GALNT18: variants seen among roughly 807,000 people sequenced by gnomAD.
GALNT18 encodes the protein polypeptide N-acetylgalactosaminyltransferase 18.
In GALNT18, 44 loss-of-function variants were observed where a neutral mutation model predicts 69.5. The ratio of observed to expected loss-of-function variants is 0.63; its 90% confidence interval spans 0.50 to 0.81. The LOEUF is 0.81. Ranked by LOEUF, GALNT18 falls within the 40% of genes least tolerant of loss-of-function variation. The pLI, the probability that GALNT18 is intolerant of heterozygous loss-of-function variation, is 0.00. For missense variants in GALNT18, 715 were observed against 810.0 expected, an observed-to-expected ratio of 0.88 and a Z score of 1.42; for synonymous variants, 364 against 318.2, an observed-to-expected ratio of 1.14 and a Z score of -1.53.
At chr11:11,568,436 G>C (rs1030547578) in intron 1 of GALNT18, among the ~76,000 whole-genome samples, 1 of 152,068 alleles carries the variant, frequency 6.6e-6, no homozygotes, top group South Asian at 2.1e-4. Flanking sequence ...TATACCCTAG[G>C]CTCCTTAAGA....
intron 1 of GALNT18, among the ~76,000 whole-genome samples, chr11:11,607,026 C>G (rs1178131132): frequency 1.3e-5 from 2 of 152,208 alleles, no homozygotes; most frequent in Non-Finnish European, 2.9e-5. Flanking sequence ...AAGGTTTACC[C>G]TTCTTTGTTG....
In GALNT18 at chr11:11,565,900, G is replaced by A. The variant is rs78491386; in HGVS notation, c.235+55459C>T. Among the ~76,000 whole-genome samples the A allele has an allele frequency of 5.8e-3, 882 of 152,294 alleles. 7 individuals are homozygous for A. The highest frequency in any genetic ancestry group is 0.021 in the African/African-American group (852 of 41,550). ...GCTTGCACTAAATCTTTAAGACAGT[G>A]TAGAGAAGTGTTTTGAGCAAAGGAA... On this transcript the variant is annotated intron_variant, in intron 1 of 10. Transcript: ENST00000227756.
intron 1 of GALNT18, among the ~76,000 whole-genome samples, chr11:11,578,263 T>A (rs1858975317): frequency 1.4e-5 from 2 of 142,968 alleles, no homozygotes; most frequent in South Asian, 4.4e-4. Flanking sequence ...GGGCTGACGC[T>A]CCTGCAGGTC....
Position 11,336,029 on chromosome 11 carries a change from T to C in GALNT18, c.1279-3198A>G, listed in dbSNP as rs533753104. 2.6e-5 allele frequency among the ~76,000 whole-genome samples: 4 copies of C among 152,280 alleles called. No homozygotes were observed. The South Asian group carries it at 8.3e-4, about 32-fold the overall frequency. On this transcript the variant is annotated intron_variant, in intron 7 of 10. Coordinates refer to ENST00000227756, the MANE Select transcript of GALNT18 (RefSeq NM_198516.3). ...TATATTAACTTAGCCACATAAAAAG[T>C]GCCCAGTATTGCAGCCACATAGTCA...
intron 1 of GALNT18, among the ~76,000 whole-genome samples, chr11:11,545,529 G>C (rs749833548): frequency 4.6e-5 from 7 of 152,170 alleles, no homozygotes; most frequent in Non-Finnish European, 1.0e-4. Context: ...TCAGATAAGC[G>C]CGTGCACAGT....
intron 10 of GALNT18, 134 bp from the exon 11 acceptor site, chr11:11,271,424 G>C: frequency 1.2e-6 from 1 of 832,822 alleles, no homozygotes; most frequent in Non-Finnish European, 1.9e-6. Context: ...GCATTCCCAT[G>C]AAACTGCAGG....
At chr11:11,368,841 T>C (rs927901542) in intron 6 of GALNT18, among the ~76,000 whole-genome samples, 1 of 152,272 alleles carries the variant, frequency 6.6e-6, no homozygotes, top group Non-Finnish European at 1.5e-5. Flanking sequence ...GCCTGTCCGC[T>C]GATTTTGCTG....
intron 1 of GALNT18, among the ~76,000 whole-genome samples, chr11:11,579,352 C>G (rs544381169): frequency 6.6e-6 from 1 of 152,192 alleles, no homozygotes; most frequent in Non-Finnish European, 1.5e-5. Flanking sequence ...GCAGGCTACT[C>G]GGCTGGGCTA....
chr11:11,529,185 A>G (rs1857586290), intron 1 of GALNT18, among the ~76,000 whole-genome samples: 1 of 152,220 alleles, frequency 6.6e-6, no homozygotes, highest in Non-Finnish European at 1.5e-5. Flanking sequence ...TTCATGTGTC[A>G]ACTTGTCTGG....
chr11:11,446,806 T>C (rs1855663757), intron 2 of GALNT18, among the ~76,000 whole-genome samples: 2 of 152,200 alleles, frequency 1.3e-5, no homozygotes, highest in Admixed American at 6.5e-5. Flanking sequence ...GCCCTTCCCA[T>C]GGATCTCTGT....
chr11:11,425,760 T>A (rs1855115187), intron 3 of GALNT18, among the ~76,000 whole-genome samples: 1 of 152,128 alleles, frequency 6.6e-6, no homozygotes, highest in African/African-American at 2.4e-5. Flanking sequence ...CTGTGTCACA[T>A]GAACAAGCCC....
intron 1 of GALNT18, among the ~76,000 whole-genome samples, chr11:11,531,834 C>T (rs377445968): frequency 6.6e-6 from 1 of 152,192 alleles, no homozygotes; most frequent in East Asian, 1.9e-4. Context: ...CATTGTGATC[C>T]TTTCAGGTAA....
chr11:11,464,767 C>T (rs1032044245), intron 1 of GALNT18, among the ~76,000 whole-genome samples: 21 of 152,222 alleles, frequency 1.4e-4, no homozygotes, highest in African/African-American at 4.6e-4. Flanking sequence ...CTTCACTACT[C>T]ACTAGCTGTG....
intron 1 of GALNT18, among the ~76,000 whole-genome samples, chr11:11,547,193 C>T (rs748452963): frequency 3.9e-5 from 6 of 152,102 alleles, no homozygotes; most frequent in Non-Finnish European, 8.8e-5. Flanking sequence ...GTCCTAATAA[C>T]ATGTGCATTC....
In GALNT18 at chr11:11,614,311, AGTGAGAGAGGGGT is replaced by A. The variant is rs1475633229; in HGVS notation, c.235+7035_235+7047del. ...TAACAGGGAAGCAGGTATGTCACAT[AGTGAGAGAGGGGT>A]GAGAGAGAGAGGCAAGAGAGTGAGG... On this transcript the variant is annotated intron_variant, in intron 1 of 10. Coordinates refer to ENST00000227756, the MANE Select transcript of GALNT18 (RefSeq NM_198516.3). The surrounding 1 kb of genome is among the most constrained non-coding windows in gnomAD (Gnocchi z 5.6). Among the ~76,000 whole-genome samples the A allele has an allele frequency of 1.3e-5, 2 of 151,250 alleles. No individual in the cohort carries two copies. Among genetic ancestry groups the A allele is most frequent in the Non-Finnish European group, 2.9e-5 (2 of 67,846 alleles).
rs1396126475 is a variant in GALNT18 at position 11,613,116 on chromosome 11, C to T, written c.235+8243G>A. Among the ~76,000 whole-genome samples, 2 of 152,164 alleles carry T rather than the reference C, an allele frequency of 1.3e-5. No individual in the cohort carries two copies. The highest frequency in any genetic ancestry group is 4.8e-5 in the African/African-American group (2 of 41,422). On this transcript the variant is annotated intron_variant, in intron 1 of 10. Transcript: ENST00000227756. The surrounding 1 kb of genome is among the most constrained non-coding windows in gnomAD (Gnocchi z 4.2). ...GAGAACTACATCTCAGTACTGCATC[C>T]CCACTGGGACGAACTGTCTAGCAAC... is the stretch of plus-strand genomic sequence containing the variant.
At chr11:11,334,188 C>T (rs1850068917) in intron 7 of GALNT18, among the ~76,000 whole-genome samples, 1 of 152,156 alleles carries the variant, frequency 6.6e-6, no homozygotes, top group South Asian at 2.1e-4. Context: ...AAAATGGCTG[C>T]ATTTATCTGG....
At position 11,541,356 on chromosome 11, in the gene GALNT18, TATG is replaced by T. The variant is rs1857916163; in HGVS notation, c.235+80000_235+80002del. 1.3e-5 allele frequency among the ~76,000 whole-genome samples: 2 copies of T among 152,256 alleles called. No homozygotes were observed. Among genetic ancestry groups the T allele is most frequent in the South Asian group, 4.2e-4 (2 of 4,816 alleles). ...CAAACTCCACCTAGATCACCACCGT[TATG>T]ATGATGATCTCCGCCTTCAGTACCT... On this transcript the variant is annotated intron_variant, in intron 1 of 10. Coordinates refer to ENST00000227756, the MANE Select transcript of GALNT18 (RefSeq NM_198516.3). This position sits in a 1 kb window ranked among gnomAD's most constrained non-coding sequence, Gnocchi z 4.8.
intron 1 of GALNT18, among the ~76,000 whole-genome samples, chr11:11,554,318 T>A (rs1202979645): frequency 6.6e-6 from 1 of 152,078 alleles, no homozygotes; most frequent in Non-Finnish European, 1.5e-5. Context: ...GGAAGAAGCA[T>A]TATCACTGAG....
Sources: allele counts gnomAD v4.1 joint callset (sites outside exome capture counted in the v4.1 genomes callset), GRCh38; gene constraint gnomAD v4.1.1; non-coding constraint Gnocchi (gnomAD v3.1); transcripts MANE v1.5; gene names NCBI Gene and HGNC (gene_info 2026-07-23, HGNC 2026-07-21).